Variants in IL13RA1 observed in about 807,000 individuals in gnomAD.
The protein encoded by IL13RA1 is interleukin 13 receptor subunit alpha 1.
Under a neutral mutation model 33.8 loss-of-function variants are expected in IL13RA1, and 14 were observed. The observed-to-expected ratio is 0.41, with a 90% CI of 0.27 to 0.65. IL13RA1 has a LOEUF of 0.65. Ranked by LOEUF, IL13RA1 falls within the 30% of genes least tolerant of loss-of-function variation. The pLI is 0.28. For missense variants in IL13RA1, 313 were observed against 327.0 expected (o/e 0.96, Z 0.33); for synonymous variants, 116 against 115.7 (o/e 1.00, Z -0.02).
At chrX:118,791,056 A>G (rs976989106) in intron 10 of IL13RA1, among the ~76,000 whole-genome samples, 1 of 111,491 alleles carries the variant, frequency 9.0e-6, no homozygotes, top group Admixed American at 9.6e-5. Context: ...TAGTTTGCTG[A>G]CCCCTGGTTT....
At chrX:118,768,224 A>ATG (rs200169939) in intron 8 of IL13RA1, among the ~76,000 whole-genome samples, 51 of 112,294 alleles carry the variant, frequency 4.5e-4, no homozygotes, top group African/African-American at 1.6e-3. Flanking sequence ...TCAACAAGTT[A>ATG]TGTGCCAGGC....
At chrX:118,731,634 A>G (rs1389564036) in intron 1 of IL13RA1, among the ~76,000 whole-genome samples, 1 of 111,993 alleles carries the variant, frequency 8.9e-6, no homozygotes, top group African/African-American at 3.2e-5. Flanking sequence ...GAAATAAAGC[A>G]GATAGCTAAC....
At chrX:118,788,658 T>C (rs749169672) in intron 10 of IL13RA1, among the ~76,000 whole-genome samples, 1 of 112,026 alleles carries the variant, frequency 8.9e-6, no homozygotes, top group African/African-American at 3.2e-5. Context: ...CTAAATAATA[T>C]TCCATTGTGT....
At chrX:118,763,196 TA>T (rs925030781) in intron 6 of IL13RA1, among the ~76,000 whole-genome samples, 1 of 112,272 alleles carries the variant, frequency 8.9e-6, no homozygotes, top group African/African-American at 3.2e-5. Flanking sequence ...TGATATTTTT[TA>T]AAAAAAGAAA....
chrX:118,800,038 T>C, the IL13RA1 span, among the ~76,000 whole-genome samples: 1 of 109,213 alleles, frequency 9.2e-6, no homozygotes, highest in African/African-American at 3.3e-5. Context: ...AGTGCACCAA[T>C]TGACACTCTG....
intron 1 of IL13RA1, among the ~76,000 whole-genome samples, chrX:118,739,422 G>A (rs1450737122): frequency 9.0e-6 from 1 of 111,723 alleles, no homozygotes; most frequent in African/African-American, 3.3e-5. Context: ...TATGTAACAG[G>A]CCCAGTGCAC....
chrX:118,781,649 G>A (rs773932875), intron 10 of IL13RA1, among the ~76,000 whole-genome samples: 3 of 112,892 alleles, frequency 2.7e-5, no homozygotes, highest in Admixed American at 1.9e-4. Flanking sequence ...ACCACGCCCA[G>A]CCTCAATATT....
intron 4 of IL13RA1, among the ~76,000 whole-genome samples, chrX:118,754,543 A>G (rs1035027376): frequency 1.8e-5 from 2 of 110,290 alleles, no homozygotes; most frequent in Non-Finnish European, 3.8e-5. Flanking sequence ...AGGCTGAGGC[A>G]GGAGAATGGT....
Position 118,793,840 on chromosome X carries a change from T to C in IL13RA1, c.*1986T>C, listed in dbSNP as rs1048331013. 3.6e-5 allele frequency: 4 copies of C among 111,718 alleles called. No homozygotes were observed. The highest frequency in any genetic ancestry group is 1.3e-4 in the African/African-American group (4 of 30,709). 9.2% of individuals were successfully genotyped at this position (111,718 alleles called of 1,213,427 possible). ...CCTGGCTTCTCTGAGGAAGCTGGGG[T>C]TCATGACAATGGCAGATGTAAAGTT... On this transcript the variant is annotated 3_prime_UTR_variant, in exon 11 of 11. Coordinates refer to ENST00000371666, the MANE Select transcript of IL13RA1 (RefSeq NM_001560.3).
intron 10 of IL13RA1, among the ~76,000 whole-genome samples, chrX:118,790,877 A>C (rs1379303506): frequency 8.9e-6 from 1 of 111,875 alleles, no homozygotes; most frequent in Non-Finnish European, 1.9e-5. Context: ...ACATAACCTA[A>C]TGCAGGGTTT....
chrX:118,800,098 G>T, the IL13RA1 span, among the ~76,000 whole-genome samples: 1 of 111,273 alleles, frequency 9.0e-6, no homozygotes, highest in Non-Finnish European at 1.9e-5. Flanking sequence ...TCCAAAGTCT[G>T]TATCTAACTA....
At position 118,782,766 on chromosome X, in the gene IL13RA1, AATT is replaced by A. The variant is rs758287696; in HGVS notation, c.1191+6256_1191+6258del. On this transcript the variant is annotated intron_variant, in intron 10 of 10. Transcript: ENST00000371666. ...GTGTGCACTACCACGCCCAGCTAAT[AATT>A]TTTTTTTTTTTTTGTATGAATGGGC... Among the ~76,000 whole-genome samples the A allele has an allele frequency of 2.0e-4, 19 of 93,769 alleles. No individual in the cohort carries two copies. In the South Asian group the frequency reaches 7.7e-3, roughly 38 times the overall value. The allele number at this position is 93,769 out of a possible 115,157, so 81.4% of individuals were successfully genotyped here. A position where few individuals can be genotyped will look rare whatever the true frequency, so the allele number is the denominator to read the frequency against.
intron 8 of IL13RA1, among the ~76,000 whole-genome samples, chrX:118,767,675 C>A (rs1350888484): frequency 8.9e-6 from 1 of 111,804 alleles, no homozygotes; most frequent in Non-Finnish European, 1.9e-5. Flanking sequence ...TGAAAAAAAT[C>A]ATTTATTAAT....
At chrX:118,749,885 C>A in intron 4 of IL13RA1, 107 bp downstream of exon 4, 2 of 518,266 alleles carry the variant, frequency 3.9e-6, no homozygotes, top group South Asian at 3.9e-5. Flanking sequence ...TTTCTGCAAA[C>A]TCAACAAGAT....
intron 6 of IL13RA1, among the ~76,000 whole-genome samples, chrX:118,761,759 T>TA (rs1380484683): frequency 4.5e-5 from 5 of 111,490 alleles, no homozygotes; most frequent in African/African-American, 1.6e-4. Flanking sequence ...GAGGGAATAT[T>TA]AGGTAGGGAA....
At chrX:118,769,532 G>A (rs2017686989) in intron 8 of IL13RA1, among the ~76,000 whole-genome samples, 1 of 112,765 alleles carries the variant, frequency 8.9e-6, no homozygotes, top group Non-Finnish European at 1.9e-5. Flanking sequence ...TATAGTAGGT[G>A]CTTATTTAAG....
chrX:118,799,940 A>T, the IL13RA1 span, among the ~76,000 whole-genome samples: 12 of 96,381 alleles, frequency 1.2e-4, no homozygotes, highest in Non-Finnish European at 2.5e-4. Flanking sequence ...TAGCTCAGGG[A>T]TTGTAAATAC....
chrX:118,800,272 G>A, the IL13RA1 span, among the ~76,000 whole-genome samples: 6 of 109,522 alleles, frequency 5.5e-5, no homozygotes, highest in Admixed American at 3.9e-4. Context: ...GTGGCGACCC[G>A]CGCGGGTCCC....
chrX:118,746,533 G>A (rs185476384), intron 2 of IL13RA1, among the ~76,000 whole-genome samples: 27 of 111,643 alleles, frequency 2.4e-4, no homozygotes, highest in African/African-American at 7.8e-4. Context: ...TTAGAGAGTT[G>A]ATATGTTAGC....
Sources: allele counts gnomAD v4.1 joint callset (sites outside exome capture counted in the v4.1 genomes callset), GRCh38; gene constraint gnomAD v4.1.1; transcripts MANE v1.5; gene names NCBI Gene and HGNC (gene_info 2026-07-23, HGNC 2026-07-21).